Variants in IGF2BP3 observed in about 807,000 individuals in gnomAD.
The protein encoded by IGF2BP3 is insulin-like growth factor 2 mRNA-binding protein 3.
IGF2BP3 carries 9 observed loss-of-function variants against 73.8 expected under a neutral mutation model. That is an observed-to-expected ratio of 0.12 (90% CI 0.07 to 0.21). The LOEUF (loss-of-function observed/expected upper bound fraction) is 0.21, where lower values mean the gene tolerates loss of function less well. Among genes scored for constraint, IGF2BP3 ranks in the 10% least tolerant of loss-of-function variants. The pLI, the probability that IGF2BP3 is intolerant of heterozygous loss-of-function variation, is 1.00. For missense variants in IGF2BP3, 542 were observed against 714.0 expected (o/e 0.76, Z 2.75); for synonymous variants, 258 against 256.7 (o/e 1.01, Z -0.05).
At chr7:23,468,652 G>C (rs1048837032) in intron 1 of IGF2BP3, 110 bp from the exon 2 acceptor site, 8 of 1,052,618 alleles carry the variant, frequency 7.6e-6, no homozygotes, top group Non-Finnish European at 1.0e-5. Context: ...GCCCTCGAAG[G>C]GCCCCCGAGG....
At chr7:23,342,426 A>G (rs569425335) in intron 9 of IGF2BP3, among the ~76,000 whole-genome samples, 26 of 152,290 alleles carry the variant, frequency 1.7e-4, no homozygotes, top group Admixed American at 1.4e-3. Flanking sequence ...CTGCATTAAG[A>G]TATCTCAAGG....
intron 2 of IGF2BP3, among the ~76,000 whole-genome samples, chr7:23,425,286 A>G (rs1361839604): frequency 1.3e-5 from 2 of 152,268 alleles, no homozygotes; most frequent in Non-Finnish European, 2.9e-5. Context: ...GTCCAAAGTC[A>G]TAAAATACTA....
At chr7:23,393,920 T>C (rs1786365928) in intron 3 of IGF2BP3, among the ~76,000 whole-genome samples, 1 of 152,148 alleles carries the variant, frequency 6.6e-6, no homozygotes, top group Non-Finnish European at 1.5e-5. Flanking sequence ...CCTTCACCAA[T>C]GGACTGGATA....
At chr7:23,407,960 C>G (rs796069250) in intron 3 of IGF2BP3, among the ~76,000 whole-genome samples, 269 of 65,826 alleles carry the variant, frequency 4.1e-3, no homozygotes, top group South Asian at 5.7e-3. Context: ...GGGCGGGGGG[C>G]GGGGGGGGGG....
chr7:23,380,157 CTTTTTTT>C (rs10571084), intron 3 of IGF2BP3, among the ~76,000 whole-genome samples: 255 of 71,806 alleles, frequency 3.6e-3, no homozygotes, highest in African/African-American at 0.013. Flanking sequence ...CACTATGCCT[CTTTTTTT>C]TTTTTTTTTT....
At chr7:23,312,697 TGAGA>T (rs1287332477) in intron 14 of IGF2BP3, 34 bp downstream of exon 14, 1 of 1,397,720 alleles carries the variant, frequency 7.2e-7, no homozygotes. Flanking sequence ...TGCTTCCACG[TGAGA>T]AAGATACAAT....
chr7:23,419,785 G>A (rs1030839693), intron 2 of IGF2BP3, among the ~76,000 whole-genome samples: 7 of 152,192 alleles, frequency 4.6e-5, no homozygotes, highest in Non-Finnish European at 1.0e-4. Context: ...CCTGGGAGGC[G>A]GAGGTTGCGG....
chr7:23,450,587 A>C (rs573831993), intron 2 of IGF2BP3: 1 of 152,332 alleles, frequency 6.6e-6, no homozygotes, highest in South Asian at 2.1e-4. Flanking sequence ...TTTTTGTAAC[A>C]AGTACAAAAA....
At chr7:23,329,810 T>A (rs369956038) in intron 10 of IGF2BP3, among the ~76,000 whole-genome samples, 2 of 152,278 alleles carry the variant, frequency 1.3e-5, no homozygotes, top group East Asian at 3.9e-4. Flanking sequence ...CAGATCCAAT[T>A]TCTAGAAACT....
At chr7:23,460,190 AAAAAAAC>A (rs1329470381) in intron 2 of IGF2BP3, among the ~76,000 whole-genome samples, 12 of 150,022 alleles carry the variant, frequency 8.0e-5, no homozygotes, top group African/African-American at 2.2e-4. Flanking sequence ...AAAAAAAAAA[AAAAAAAC>A]AAAAACGAAA....
rs74444310 is a variant in IGF2BP3 at position 23,380,666 on chromosome 7, G to A, written c.286-18925C>T. 6.8e-3 allele frequency among the ~76,000 whole-genome samples: 1,029 copies of A among 152,244 alleles called. 53 individuals are homozygous for A. The East Asian group carries it at 0.12, about 18-fold the overall frequency. On this transcript the variant is annotated intron_variant, in intron 3 of 14. Coordinates refer to ENST00000258729, the MANE Select transcript of IGF2BP3 (RefSeq NM_006547.3). The stretch of plus-strand genomic sequence containing the variant: ...AACTCCCTGTACTGGGATGAATAGC[G>A]CCCTTTAAAAATTCACCAGTACCTC...
chr7:23,443,578 G>C (rs1315259037), intron 2 of IGF2BP3, among the ~76,000 whole-genome samples: 1 of 152,082 alleles, frequency 6.6e-6, no homozygotes, highest in Non-Finnish European at 1.5e-5. Flanking sequence ...GGCTGAGGCA[G>C]GGGAATCTCT....
chr7:23,332,572 A>T (rs1784470820), intron 10 of IGF2BP3, among the ~76,000 whole-genome samples: 1 of 152,242 alleles, frequency 6.6e-6, no homozygotes, highest in Non-Finnish European at 1.5e-5. Flanking sequence ...CAGCTTGGCC[A>T]GATCACTTCT....
At chr7:23,439,678 G>A (rs1011598730) in intron 2 of IGF2BP3, among the ~76,000 whole-genome samples, 49 of 151,602 alleles carry the variant, frequency 3.2e-4, no homozygotes, top group African/African-American at 1.1e-3. Context: ...AGTTTAACAC[G>A]TAACCAACCA....
At chr7:23,373,694 C>G (rs1787067802) in intron 3 of IGF2BP3, among the ~76,000 whole-genome samples, 1 of 152,178 alleles carries the variant, frequency 6.6e-6, no homozygotes. Flanking sequence ...AATTCCACTT[C>G]TGGGTATTGA....
rs563518189 is a variant in IGF2BP3, at chr7:23,452,514, A to G, written c.236+15968T>C. Among the ~76,000 whole-genome samples the G allele has an allele frequency of 1.7e-3, 265 of 152,248 alleles. 1 individual carries two copies. The highest frequency in any genetic ancestry group is 3.1e-3 in the Non-Finnish European group (214 of 68,010). Reference sequence around the variant, plus strand: ...AGTGCTTATTCTTTCCCTTTAAAACATGGGTTCCCCCAGGCGTGGTGGCTC... The same window carrying G: ...AGTGCTTATTCTTTCCCTTTAAAACGTGGGTTCCCCCAGGCGTGGTGGCTC... On this transcript the variant is annotated intron_variant, in intron 2 of 14. Coordinates refer to ENST00000258729, the MANE Select transcript of IGF2BP3 (RefSeq NM_006547.3).
At chr7:23,320,811 G>C (rs1326904654) in intron 10 of IGF2BP3, among the ~76,000 whole-genome samples, 1 of 151,690 alleles carries the variant, frequency 6.6e-6, no homozygotes, top group Non-Finnish European at 1.5e-5. Context: ...AGCCAGGCAT[G>C]GTAGCGCTTG....
intron 7 of IGF2BP3, among the ~76,000 whole-genome samples, 167 bp downstream of exon 7, chr7:23,347,433 T>C (rs1420919831): frequency 6.6e-6 from 1 of 152,108 alleles, no homozygotes; most frequent in Non-Finnish European, 1.5e-5. Flanking sequence ...TATTTAAATA[T>C]TAAAAGACAT....
intron 2 of IGF2BP3, among the ~76,000 whole-genome samples, chr7:23,432,037 T>C (rs1787695806): frequency 6.6e-6 from 1 of 152,184 alleles, no homozygotes; most frequent in East Asian, 1.9e-4. Context: ...CAGTTCTAAG[T>C]GAGAATCTAA....
Sources: gnomAD v4.1 joint callset for allele counts (sites outside exome capture counted in the v4.1 genomes callset) on GRCh38, gnomAD v4.1.1 for gene constraint, MANE v1.5 for transcripts, NCBI Gene and HGNC (gene_info 2026-07-23, HGNC 2026-07-21) for gene names.